Variants in CCDC88A observed in about 807,000 individuals in gnomAD.
CCDC88A encodes girdin.
CCDC88A carries 54 observed loss-of-function variants against 234.3 expected under a neutral mutation model. The observed-to-expected ratio is 0.23, with a 90% confidence interval of 0.19 to 0.29. CCDC88A has a LOEUF of 0.29. Among genes scored for constraint, CCDC88A ranks in the 10% least tolerant of loss-of-function variants. The probability of loss-of-function intolerance (pLI) is 1.00; values close to 1 mark genes in which losing one functional copy is unlikely to be tolerated. For missense variants in CCDC88A, 1,832 were observed against 2,123.4 expected (o/e 0.86, Z 2.70); for synonymous variants, 753 against 737.8 (o/e 1.02, Z -0.33).
intron 3 of CCDC88A, among the ~76,000 whole-genome samples, chr2:55,387,162 T>C (rs1404805654): frequency 5.9e-5 from 7 of 118,244 alleles, no homozygotes; most frequent in Non-Finnish European, 1.2e-4. Context: ...GGGCAACAGA[T>C]TGAGATTCCA....
In CCDC88A at chr2:55,309,658, G is replaced by T. The variant is rs546963713; in HGVS notation, c.4080-404C>A. Reference sequence around the variant, plus strand: ...TGACTCCAGCAATGCATGAGTCATCGCATCCTAGTCTCATTGTTATATTCT... The same window carrying T: ...TGACTCCAGCAATGCATGAGTCATCTCATCCTAGTCTCATTGTTATATTCT... On this transcript the variant is annotated intron_variant, in intron 23 of 32. Transcript: ENST00000436346. The surrounding 1 kb of genome is among the most constrained non-coding windows in gnomAD (Gnocchi z 5.1). Among the ~76,000 whole-genome samples the T allele has an allele frequency of 6.6e-6, 1 of 152,140 alleles. No individual in the cohort carries two copies. The highest frequency in any genetic ancestry group is 2.1e-4 in the South Asian group (1 of 4,822).
chr2:55,386,973 G>A (rs1308873869), intron 3 of CCDC88A, among the ~76,000 whole-genome samples: 5 of 150,202 alleles, frequency 3.3e-5, no homozygotes, highest in Admixed American at 1.3e-4. Flanking sequence ...TCAGGAGTTC[G>A]AGACCAGCCT....
In CCDC88A at chr2:55,296,271, A is replaced by C; in HGVS notation, c.5078T>G (p.Leu1693Arg). The change falls in exon 30 of 33, where the codon CTT becomes CGT. Residue 1693 changes from leucine (L) to arginine (R), a missense_variant. Around this residue, in one of 6 missense-constraint regions of CCDC88A, gnomAD observed 422 missense variants for 416.5 expected, o/e 1.01. Coordinates refer to ENST00000436346, the MANE Select transcript of CCDC88A (RefSeq NM_001365480.1). The stretch of plus-strand genomic sequence containing the variant: ...GATAAAACTAACCTGTACTGAGGTA[A>C]GCTTATTGCTTTCTTCCAAAAACTG... ...LQQFLEESNK[L>R]TSVQIKSSSQ... 6.2e-7 allele frequency: 1 copy of C among 1,614,112 alleles called. No homozygotes were observed. The highest frequency in any genetic ancestry group is 8.5e-7 in the Non-Finnish European group (1 of 1,180,000).
Position 55,343,636 on chromosome 2 carries a change from A to G in CCDC88A, c.1333+12T>C. 1.3e-6 allele frequency: 2 copies of G among 1,580,930 alleles called. No individual in the cohort carries two copies. Among genetic ancestry groups the G allele is most frequent in the South Asian group, 1.2e-5 (1 of 84,486 alleles). On this transcript the variant is annotated intron_variant, in intron 12 of 32. Coordinates refer to ENST00000436346, the MANE Select transcript of CCDC88A (RefSeq NM_001365480.1). ...TTCGATTATCTATTTAAATTAAAAA[A>G]ATTGGGAATACCTTCGGAAAGTTCA...
chr2:55,334,461 T>C lies in CCDC88A; in HGVS notation c.2360A>G (p.Gln787Arg), dbSNP rs1046674304. The change falls in exon 15 of 33, where the codon CAA becomes CGA. Residue 787 changes from glutamine (Q) to arginine (R), a missense_variant. By Grantham distance (43) the Gln-to-Arg change is conservative. Around this residue, in one of 6 missense-constraint regions of CCDC88A, gnomAD observed 1,282 missense variants for 1,543.6 expected, o/e 0.83. Coordinates refer to ENST00000436346, the MANE Select transcript of CCDC88A (RefSeq NM_001365480.1). This position sits in a 1 kb window ranked among gnomAD's most constrained non-coding sequence, Gnocchi z 6.1. ...KKIQQLESEL[Q>R]DLEMENQTLQ... ...TGTTTGATTTTCCATCTCTAAGTCTTGTAGTTCACTCTCTAATTGCTGGAT... is the reference window on the plus strand; with the variant it reads ...TGTTTGATTTTCCATCTCTAAGTCTCGTAGTTCACTCTCTAATTGCTGGAT... 1.3e-6 allele frequency: 2 copies of C among 1,599,464 alleles called. No homozygotes were observed. Among genetic ancestry groups the C allele is most frequent in the Non-Finnish European group, 1.7e-6 (2 of 1,175,690 alleles).
In CCDC88A at chr2:55,289,173, G is replaced by C. The variant is rs1291630496; in HGVS notation, c.*2027C>G. ...TGTATTTTAGGATATTAGTGTTCTG[G>C]AGAGGTCAAGCTGTAATGTCATTCG... On this transcript the variant is annotated 3_prime_UTR_variant, in exon 33 of 33. Coordinates refer to ENST00000436346, the MANE Select transcript of CCDC88A (RefSeq NM_001365480.1). The C allele has an allele frequency of 6.6e-6, 1 of 152,564 alleles. No homozygotes were observed. The highest frequency in any genetic ancestry group is 1.5e-5 in the Non-Finnish European group (1 of 68,002). The allele number at this position is 152,564 out of a possible 1,614,324, so 9.5% of individuals were successfully genotyped here.
rs1681974642 is a variant in CCDC88A, at chr2:55,419,441, A to C, written c.-362T>G. On this transcript the variant is annotated 5_prime_UTR_variant, in exon 1 of 33. Coordinates refer to ENST00000436346, the MANE Select transcript of CCDC88A (RefSeq NM_001365480.1). ...AGCTCCTGGAGGATCCAGACCAGCG[A>C]AACTGCTCCCAATGAATCAATCCCA... 1 of 244,754 alleles carries C rather than the reference A, an allele frequency of 4.1e-6. No individual in the cohort carries two copies. Among genetic ancestry groups the C allele is most frequent in the Non-Finnish European group, 8.0e-6 (1 of 124,476 alleles). The allele number at this position is 244,754 out of a possible 1,614,324, so 15.2% of individuals were successfully genotyped here.
chr2:55,393,031 G>T (rs1051032807), intron 2 of CCDC88A, among the ~76,000 whole-genome samples: 4 of 151,616 alleles, frequency 2.6e-5, no homozygotes, highest in Non-Finnish European at 5.9e-5. Context: ...ATCATTTTAG[G>T]ATATTTATAA....
chr2:55,341,669 T>C (rs1354020144), intron 12 of CCDC88A, among the ~76,000 whole-genome samples: 1 of 151,462 alleles, frequency 6.6e-6, no homozygotes, highest in Non-Finnish European at 1.5e-5. Flanking sequence ...GGTCTTGAAC[T>C]CTTGACCTCG....
At chr2:55,370,380 G>A (rs889763389) in intron 5 of CCDC88A, among the ~76,000 whole-genome samples, 1 of 152,052 alleles carries the variant, frequency 6.6e-6, no homozygotes, top group Non-Finnish European at 1.5e-5. Context: ...GATGACTCAA[G>A]CCTGTAATCC....
At chr2:55,307,752 C>T (rs1344787956) in intron 25 of CCDC88A, among the ~76,000 whole-genome samples, 2 of 151,528 alleles carry the variant, frequency 1.3e-5, no homozygotes, top group Admixed American at 6.6e-5. Flanking sequence ...TCTCAAAGTG[C>T]AGGGATTACA....
intron 8 of CCDC88A, among the ~76,000 whole-genome samples, chr2:55,352,345 T>C (rs113384922): frequency 0.065 from 9,792 of 151,694 alleles, 1,028 homozygotes; most frequent in African/African-American, 0.22. Flanking sequence ...CAGAATCGCT[T>C]GAACCCAGGA....
chr2:55,388,732 AT>A, intron 3 of CCDC88A, 45 bp downstream of exon 3: 1 of 740,320 alleles, frequency 1.4e-6, no homozygotes, highest in East Asian at 2.8e-5. Flanking sequence ...TAATACAAAA[AT>A]GTAAGTAGTT....
At chr2:55,307,787 C>CTACATCT (rs1170659319) in intron 25 of CCDC88A, among the ~76,000 whole-genome samples, 2 of 148,118 alleles carry the variant, frequency 1.4e-5, no homozygotes, top group Non-Finnish European at 2.9e-5. Context: ...TAACTGGCCC[C>CTACATCT]CACATCTCTA....
At position 55,360,453 on chromosome 2, in the gene CCDC88A, A is replaced by G. The variant is rs1031961091; in HGVS notation, c.627+1855T>C. The stretch of plus-strand genomic sequence containing the variant: ...GTCTACTGGTAGCCCAAATTGAGGG[A>G]AAAAAATTTCCCGGATAACTGGATA... On this transcript the variant is annotated intron_variant, in intron 7 of 32. Transcript: ENST00000436346. Among the ~76,000 whole-genome samples, 12 of 152,294 alleles carry G rather than the reference A, an allele frequency of 7.9e-5. No individual in the cohort carries two copies. In the South Asian group the frequency reaches 1.4e-3, roughly 18 times the overall value.
intron 2 of CCDC88A, chr2:55,403,868 T>G (rs1407947834): frequency 6.6e-6 from 1 of 152,212 alleles, no homozygotes; most frequent in African/African-American, 2.4e-5. Flanking sequence ...TGATGGAACA[T>G]TTTACCCATT....
At chr2:55,354,531 C>CA (rs1429241545) in intron 8 of CCDC88A, among the ~76,000 whole-genome samples, 1 of 151,800 alleles carries the variant, frequency 6.6e-6, no homozygotes, top group Non-Finnish European at 1.5e-5. Context: ...TACAACTGTA[C>CA]AAAAATATTT....
intron 12 of CCDC88A, among the ~76,000 whole-genome samples, chr2:55,343,173 T>A: frequency 6.6e-6 from 1 of 152,122 alleles, no homozygotes; most frequent in Non-Finnish European, 1.5e-5. Context: ...TATAATCTTA[T>A]AATGGAGACT....
intron 27 of CCDC88A, chr2:55,301,597 T>A: frequency 1.9e-6 from 1 of 523,404 alleles, no homozygotes; most frequent in Non-Finnish European, 3.3e-6. Context: ...AAAACTAGCA[T>A]TGCCTTCTTT....
Sources: allele counts gnomAD v4.1 joint callset (sites outside exome capture counted in the v4.1 genomes callset), GRCh38; gene constraint gnomAD v4.1.1; regional missense constraint gnomAD v4.1.1; non-coding constraint Gnocchi (gnomAD v3.1); transcripts MANE v1.5; gene names NCBI Gene and HGNC (gene_info 2026-07-23, HGNC 2026-07-21).